The following BSN variants were observed in gnomAD, a reference collection of about 807,000 sequenced individuals.
The protein encoded by BSN is bassoon presynaptic cytomatrix protein.
BSN carries 57 observed loss-of-function variants against 264.8 expected under a neutral mutation model. That is an observed-to-expected ratio of 0.22 (90% CI 0.17 to 0.27). The LOEUF (loss-of-function observed/expected upper bound fraction) is 0.27. Among genes scored for constraint, BSN ranks in the 10% least tolerant of loss-of-function variants. The pLI is 1.00. For missense variants in BSN, 4,615 were observed against 5,232.5 expected, an observed-to-expected ratio of 0.88 and a Z score of 3.64; for synonymous variants, 2,059 against 2,137.3, an observed-to-expected ratio of 0.96 and a Z score of 1.01.
Position 49,668,149 on chromosome 3 carries a change from C to T in BSN, c.*664C>T, listed in dbSNP as rs1281277247. The T allele has an allele frequency of 6.6e-6, 1 of 152,608 alleles. No homozygotes were observed. Among genetic ancestry groups the T allele is most frequent in the African/African-American group, 2.4e-5 (1 of 41,442 alleles). The allele number at this position is 152,608 out of a possible 1,614,324, so 9.5% of individuals were successfully genotyped here. ...ACATTAGGACCTAACACTGTCTCAT[C>T]GCTGAAATAAGAGGCCATAGCACCG... On this transcript the variant is annotated 3_prime_UTR_variant, in exon 12 of 12. Coordinates refer to ENST00000296452, the MANE Select transcript of BSN (RefSeq NM_003458.4).
Position 49,660,943 on chromosome 3 carries a change from T to C in BSN, c.9098T>C (p.Val3033Ala), listed in dbSNP as rs1192470390. ...TGCACCACTCCCGCTGGCCAGTTTG[T>C]GGACTTCCCTGCCACTGCCGCTGCT... ...QGCTTPAGQF[V>A]DFPATAAAPA... Residue 3033 changes from valine to alanine, a missense_variant, in exon 6 of 12, where the codon GTG becomes GCG. Val to Ala is a moderately conservative substitution (Grantham distance 64, BLOSUM62 0). This residue lies in a region of BSN where 3,415 missense variants were observed against 3,866.4 expected (regional missense o/e 0.88). Transcript: ENST00000296452. The surrounding 1 kb of genome is among the most constrained non-coding windows in gnomAD (Gnocchi z 7.1). 7 of 1,611,722 alleles carry C rather than the reference T, an allele frequency of 4.3e-6. No homozygotes were observed. The highest frequency in any genetic ancestry group is 5.9e-6 in the Non-Finnish European group (7 of 1,179,906).
intron 1 of BSN, among the ~76,000 whole-genome samples, chr3:49,607,508 C>T (rs1443604458): frequency 6.6e-6 from 1 of 152,214 alleles, no homozygotes; most frequent in Non-Finnish European, 1.5e-5. Flanking sequence ...GGTGTGATCA[C>T]ATATGCTGTC....
rs894306490 is a variant in BSN at position 49,571,503 on chromosome 3, T to C, written c.224+16677T>C. On this transcript the variant is annotated intron_variant, in intron 1 of 11. Transcript: ENST00000296452. ...TGGGCAGCTTCAAGTAGCTTTGGGG[T>C]ATAAGGCTCCAGGGCCAGAAGAGCC... Among the ~76,000 whole-genome samples the C allele has an allele frequency of 1.3e-5, 2 of 151,858 alleles. 1 individual carries two copies. Among genetic ancestry groups the C allele is most frequent in the African/African-American group, 4.8e-5 (2 of 41,290 alleles).
In BSN at chr3:49,670,846, G is replaced by A. The variant is rs201407122; in HGVS notation, c.*3361G>A. The A allele has an allele frequency of 2.4e-4, 36 of 152,386 alleles. No homozygotes were observed. The highest frequency in any genetic ancestry group is 8.7e-4 in the African/African-American group (36 of 41,584). 9.4% of individuals were successfully genotyped at this position (152,386 alleles called of 1,614,324 possible). A position where few individuals can be genotyped will look rare whatever the true frequency, so the allele number is the denominator to read the frequency against. ...AAAGAACAGCAGTGGTGGCAACTAT[G>A]CCTTGCCTTCTGGAGCCTGTAGGGA... On this transcript the variant is annotated 3_prime_UTR_variant, in exon 12 of 12. Transcript: ENST00000296452.
intron 1 of BSN, among the ~76,000 whole-genome samples, chr3:49,583,515 T>G (rs2051910313): frequency 6.6e-6 from 1 of 152,046 alleles, no homozygotes; most frequent in Admixed American, 6.5e-5. Context: ...GAGGCTGAGG[T>G]GGGAGGATCA....
Position 49,642,583 on chromosome 3 carries a change from C to T in BSN, c.949C>T (p.Pro317Ser). The T allele has an allele frequency of 6.2e-7, 1 of 1,605,740 alleles. No homozygotes were observed. The highest frequency in any genetic ancestry group is 8.5e-7 in the Non-Finnish European group (1 of 1,175,086). ...ACCCACCAAGCCTTCCACAGCTGAG[C>T]CCAGGCCACCTGCAGGAGAGGCCCC... ...PQPTKPSTAE[P>S]RPPAGEAPAK... The change falls in exon 3 of 12, where the codon CCC becomes TCC. Residue 317 changes from proline to serine, a missense_variant. This residue lies in a region of BSN where 1,197 missense variants were observed against 1,348.0 expected (regional missense o/e 0.89). Coordinates refer to ENST00000296452, the MANE Select transcript of BSN (RefSeq NM_003458.4). The surrounding 1 kb of genome is among the most constrained non-coding windows in gnomAD (Gnocchi z 7.0).
chr3:49,634,139 C>T (rs1372083654), intron 2 of BSN, among the ~76,000 whole-genome samples: 2 of 150,476 alleles, frequency 1.3e-5, no homozygotes, highest in South Asian at 2.1e-4. Context: ...ACCCAGGAGG[C>T]GGAGGTTGCA....
rs1320792568 is a variant in BSN, at chr3:49,634,639, G to T, written c.634-7629G>T. 2.6e-5 allele frequency among the ~76,000 whole-genome samples: 4 copies of T among 152,228 alleles called. No individual in the cohort carries two copies. The East Asian group carries it at 7.7e-4, about 29-fold the overall frequency. ...AATCCTGACCTCAAGTGATCCACAC[G>T]CCTCACCCTCCCAAAGTGCTGGGAT... On this transcript the variant is annotated intron_variant, in intron 2 of 11. Coordinates refer to ENST00000296452, the MANE Select transcript of BSN (RefSeq NM_003458.4).
Position 49,653,899 on chromosome 3 carries a change from C to G in BSN, c.4343C>G (p.Ala1448Gly), listed in dbSNP as rs1441283527. Residue 1448 changes from alanine (A) to glycine (G), a missense_variant, in exon 5 of 12, where the codon GCT becomes GGT. Ala to Gly is a moderately conservative substitution (Grantham distance 60, BLOSUM62 0). This residue lies in a region of BSN where 3,415 missense variants were observed against 3,866.4 expected (regional missense o/e 0.88). Transcript: ENST00000296452. This position sits in a 1 kb window ranked among gnomAD's most constrained non-coding sequence, Gnocchi z 6.3. ...APSGLAAAGRAAREKPLSASD... is the reference protein window; with the variant it reads ...APSGLAAAGRGAREKPLSASD... ...AGTGGCCTTGCTGCAGCTGGACGAG[C>G]TGCTAGAGAGAAGCCCTTGAGTGCG... 1.9e-6 allele frequency: 3 copies of G among 1,614,028 alleles called. No homozygotes were observed. The highest frequency in any genetic ancestry group is 2.5e-6 in the Non-Finnish European group (3 of 1,180,012).
chr3:49,592,558 C>A (rs2051987047), intron 1 of BSN, among the ~76,000 whole-genome samples: 1 of 150,102 alleles, frequency 6.7e-6, no homozygotes, highest in Non-Finnish European at 1.5e-5. Context: ...TGGAGACTAT[C>A]CTGGCTAACA....
chr3:49,587,723 G>T (rs1350337082), intron 1 of BSN, among the ~76,000 whole-genome samples: 1 of 151,968 alleles, frequency 6.6e-6, no homozygotes, highest in Non-Finnish European at 1.5e-5. Context: ...ATTGGTTGTG[G>T]AAGGCGATCA....
chr3:49,606,499 C>T (rs1478243069), intron 1 of BSN, among the ~76,000 whole-genome samples: 1 of 150,592 alleles, frequency 6.6e-6, no homozygotes, highest in Admixed American at 6.8e-5. Flanking sequence ...TTATATCCTG[C>T]ACCATAAGGC....
rs2052640244 is a variant in BSN, at chr3:49,660,058, G to C, written c.8641-428G>C. Among the ~76,000 whole-genome samples, 1 of 152,090 alleles carries C rather than the reference G, an allele frequency of 6.6e-6. No homozygotes were observed. On this transcript the variant is annotated intron_variant, in intron 5 of 11. Transcript: ENST00000296452. This position sits in a 1 kb window ranked among gnomAD's most constrained non-coding sequence, Gnocchi z 7.1. ...GGACCCTCTCCACTCCATGCCTCCTGTTCATACTCCACTGATCTCAACCCC... is the reference window on the plus strand; with the variant it reads ...GGACCCTCTCCACTCCATGCCTCCTCTTCATACTCCACTGATCTCAACCCC...
chr3:49,603,122 C>T lies in BSN; in HGVS notation c.225-21853C>T, dbSNP rs570433513. ...CATCTGTGGCCAGGGCTGGGCCCCT[C>T]AAGTCATGCCCCTCCACTGCTGGCC... On this transcript the variant is annotated intron_variant, in intron 1 of 11. Coordinates refer to ENST00000296452, the MANE Select transcript of BSN (RefSeq NM_003458.4). 1.3e-3 allele frequency among the ~76,000 whole-genome samples: 193 copies of T among 146,976 alleles called. 1 individual carries two copies. The highest frequency in any genetic ancestry group is 3.3e-3 in the South Asian group (16 of 4,828).
chr3:49,659,772 C>G (rs1009528861), intron 5 of BSN, among the ~76,000 whole-genome samples: 1 of 152,104 alleles, frequency 6.6e-6, no homozygotes, highest in African/African-American at 2.4e-5. Flanking sequence ...ATAGGACTTA[C>G]GGGTGCACTG....
At chr3:49,608,346 G>A (rs1289001935) in intron 1 of BSN, among the ~76,000 whole-genome samples, 1 of 152,190 alleles carries the variant, frequency 6.6e-6, no homozygotes, top group African/African-American at 2.4e-5. Context: ...ACAGGCATGT[G>A]GAACCATGGA....
At chr3:49,631,368 C>T (rs1034143351) in intron 2 of BSN, among the ~76,000 whole-genome samples, 11 of 152,004 alleles carry the variant, frequency 7.2e-5, no homozygotes, top group Admixed American at 7.2e-4. Flanking sequence ...CTAGTCTGGG[C>T]AACATGGCGA....
At chr3:49,563,519 A>T (rs763557640) in intron 1 of BSN, among the ~76,000 whole-genome samples, 4 of 152,202 alleles carry the variant, frequency 2.6e-5, no homozygotes, top group Non-Finnish European at 5.9e-5. Context: ...GAGACTTTAG[A>T]TCTTCAGACT....
intron 1 of BSN, among the ~76,000 whole-genome samples, chr3:49,578,409 AGT>A (rs1491133359): frequency 3.1e-5 from 2 of 64,652 alleles, no homozygotes; most frequent in East Asian, 4.5e-3. Context: ...CCAAAGCTAC[AGT>A]TTTTTTTTTT....
Sources: gnomAD v4.1 joint callset for allele counts (sites outside exome capture counted in the v4.1 genomes callset) on GRCh38, gnomAD v4.1.1 for gene constraint, gnomAD v4.1.1 regional missense constraint, Gnocchi (gnomAD v3.1) non-coding constraint, MANE v1.5 for transcripts, NCBI Gene and HGNC (gene_info 2026-07-23, HGNC 2026-07-21) for gene names.